USP49: variants seen among roughly 807,000 people sequenced by gnomAD.
The protein encoded by USP49 is ubiquitin specific peptidase 49, also known as ubiquitin carboxyl-terminal hydrolase 49.
Under a neutral mutation model 58.6 loss-of-function variants are expected in USP49, and 24 were observed. The observed-to-expected ratio is 0.41, with a 90% CI of 0.30 to 0.58. USP49 has a LOEUF of 0.58. Ranked by LOEUF, USP49 falls within the 20% of genes least tolerant of loss-of-function variation. USP49 has a pLI of 0.30. For missense variants in USP49, 703 were observed against 866.1 expected (o/e 0.81, Z 2.36); for synonymous variants, 408 against 365.1 (o/e 1.12, Z -1.34).
intron 3 of USP49, among the ~76,000 whole-genome samples, chr6:41,849,404 C>T (rs1361888724): frequency 6.6e-6 from 1 of 151,996 alleles, no homozygotes; most frequent in Non-Finnish European, 1.5e-5. Context: ...GACAGAAGAT[C>T]AACATGGAAA....
intron 5 of USP49, among the ~76,000 whole-genome samples, chr6:41,800,470 A>G (rs1028233442): frequency 6.6e-6 from 1 of 152,240 alleles, no homozygotes; most frequent in African/African-American, 2.4e-5. Context: ...TTTTGCCATC[A>G]GCAACTTTGC....
At chr6:41,828,278 A>G (rs547766117) in intron 3 of USP49, among the ~76,000 whole-genome samples, 1 of 151,928 alleles carries the variant, frequency 6.6e-6, no homozygotes, top group Non-Finnish European at 1.5e-5. Context: ...CCCCATCTCT[A>G]CTAAAAATAC....
At chr6:41,817,353 G>A (rs553883201) in intron 3 of USP49, among the ~76,000 whole-genome samples, 1 of 149,388 alleles carries the variant, frequency 6.7e-6, no homozygotes, top group South Asian at 2.1e-4. Context: ...TCACCATGTT[G>A]GCCAGAATGG....
intron 2 of USP49, among the ~76,000 whole-genome samples, chr6:41,876,808 T>A (rs546088306): frequency 6.6e-6 from 1 of 152,312 alleles, no homozygotes; most frequent in East Asian, 1.9e-4. Context: ...CATTTACAGC[T>A]AAATAAAGAA....
At chr6:41,883,619 T>C (rs1281165366) in intron 2 of USP49, among the ~76,000 whole-genome samples, 1 of 143,198 alleles carries the variant, frequency 7.0e-6, no homozygotes, top group Non-Finnish European at 1.5e-5. Flanking sequence ...CGAGACTCCA[T>C]CTCAAAATAA....
chr6:41,843,386 A>C (rs551812190), intron 3 of USP49, among the ~76,000 whole-genome samples: 26 of 152,236 alleles, frequency 1.7e-4, no homozygotes, highest in Admixed American at 1.1e-3. Flanking sequence ...GTGCATCATC[A>C]CGTTGGCTTT....
intron 3 of USP49, among the ~76,000 whole-genome samples, chr6:41,821,398 G>A (rs566150790): frequency 6.6e-6 from 1 of 152,300 alleles, no homozygotes; most frequent in South Asian, 2.1e-4. Context: ...AGGGCATGAA[G>A]CCACTTTAGT....
rs1772844324 is a variant in USP49, at chr6:41,794,000, G to C, written c.*2533C>G. ...TTCTCTTTAGAATGATTCAATTTCAGATGCAACTGAGACATTCATCTATAC... is the reference window on the plus strand; with the variant it reads ...TTCTCTTTAGAATGATTCAATTTCACATGCAACTGAGACATTCATCTATAC... On this transcript the variant is annotated 3_prime_UTR_variant, in exon 8 of 8. Transcript: ENST00000682992. 1 of 152,184 alleles carries C rather than the reference G, an allele frequency of 6.6e-6. No homozygotes were observed. The highest frequency in any genetic ancestry group is 2.4e-5 in the African/African-American group (1 of 41,438). 9.4% of individuals were successfully genotyped at this position (152,184 alleles called of 1,614,324 possible).
intron 2 of USP49, among the ~76,000 whole-genome samples, chr6:41,883,653 A>T (rs1043858512): frequency 2.4e-4 from 37 of 152,244 alleles, no homozygotes; most frequent in Non-Finnish European, 3.4e-4. Flanking sequence ...TAAATAAAAT[A>T]AAAATTAAAA....
chr6:41,869,179 T>C (rs1436401886), intron 3 of USP49, among the ~76,000 whole-genome samples: 1 of 151,362 alleles, frequency 6.6e-6, no homozygotes, highest in African/African-American at 2.4e-5. Flanking sequence ...TAGTTAATTG[T>C]CTACACCACC....
At chr6:41,859,203 C>G (rs548274804) in intron 3 of USP49, among the ~76,000 whole-genome samples, 1 of 152,314 alleles carries the variant, frequency 6.6e-6, no homozygotes, top group East Asian at 1.9e-4. Flanking sequence ...CTGCATACCT[C>G]TCTAGTTCAT....
intron 3 of USP49, among the ~76,000 whole-genome samples, chr6:41,823,620 A>T (rs990516107): frequency 9.2e-5 from 14 of 152,150 alleles, no homozygotes; most frequent in African/African-American, 3.4e-4. Flanking sequence ...ATTTCTTATC[A>T]ACCAAGGTAC....
At chr6:41,855,692 T>C (rs1308808477) in intron 3 of USP49, among the ~76,000 whole-genome samples, 1 of 152,144 alleles carries the variant, frequency 6.6e-6, no homozygotes, top group African/African-American at 2.4e-5. Context: ...TAAAGCTACC[T>C]TTTTTCAGTC....
chr6:41,827,552 C>T (rs1340620775), intron 3 of USP49, among the ~76,000 whole-genome samples: 6 of 151,320 alleles, frequency 4.0e-5, no homozygotes, highest in Admixed American at 6.6e-5. Context: ...CCCAGCTACT[C>T]GGGAGGCTGA....
At chr6:41,829,399 C>CT (rs1773597439) in intron 3 of USP49, among the ~76,000 whole-genome samples, 4 of 151,700 alleles carry the variant, frequency 2.6e-5, no homozygotes, top group African/African-American at 9.7e-5. Context: ...ACTGCAACCT[C>CT]GCCTCCCGGG....
At chr6:41,816,588 T>A (rs1294988087) in intron 3 of USP49, among the ~76,000 whole-genome samples, 1 of 152,184 alleles carries the variant, frequency 6.6e-6, no homozygotes, top group Non-Finnish European at 1.5e-5. Flanking sequence ...CAGGATTATA[T>A]ATTTTGATAC....
chr6:41,885,628 G>A (rs566314550), intron 2 of USP49, among the ~76,000 whole-genome samples: 2 of 152,134 alleles, frequency 1.3e-5, no homozygotes, highest in South Asian at 4.1e-4. Context: ...TCGAAACCTT[G>A]TCTCTACTAA....
At chr6:41,821,921 A>C (rs1189532749) in intron 3 of USP49, among the ~76,000 whole-genome samples, 2 of 152,166 alleles carry the variant, frequency 1.3e-5, no homozygotes, top group Non-Finnish European at 2.9e-5. Context: ...GGTTACCCCC[A>C]GTCTACATGA....
At chr6:41,796,863 G>A (rs910372060) in intron 7 of USP49, 140 bp from the exon 8 acceptor site, 14 of 596,364 alleles carry the variant, frequency 2.3e-5, no homozygotes, top group African/African-American at 2.2e-4. Context: ...GAAGGGACAG[G>A]TAAATGAAAC....
Sources: gnomAD v4.1 joint callset for allele counts (sites outside exome capture counted in the v4.1 genomes callset) on GRCh38, gnomAD v4.1.1 for gene constraint, MANE v1.5 for transcripts, NCBI Gene and HGNC (gene_info 2026-07-23, HGNC 2026-07-21) for gene names.